The following SYT16 variants were observed in gnomAD, a reference collection of about 807,000 sequenced individuals.
The protein encoded by SYT16 is synaptotagmin-16.
In SYT16, 42 loss-of-function variants were observed where a neutral mutation model predicts 61.4. The ratio of observed to expected loss-of-function variants is 0.68; its 90% CI spans 0.53 to 0.89. The LOEUF (loss-of-function observed/expected upper bound fraction) is 0.89, where lower values mean the gene tolerates loss of function less well. Among genes scored for constraint, SYT16 ranks in the 40% least tolerant of loss-of-function variants. SYT16 has a pLI of 0.00. For missense variants in SYT16, 804 were observed against 807.3 expected (o/e 1.00, Z 0.05); for synonymous variants, 314 against 302.3 (o/e 1.04, Z -0.40).
At chr14:61,867,695 G>A (rs921887148) in intron 1 of SYT16, among the ~76,000 whole-genome samples, 4 of 152,002 alleles carry the variant, frequency 2.6e-5, no homozygotes, top group Non-Finnish European at 5.9e-5. Context: ...ACAGACTTAG[G>A]AAGTGATTTA....
At chr14:61,906,434 C>G (rs187484953) in intron 1 of SYT16, among the ~76,000 whole-genome samples, 2 of 152,264 alleles carry the variant, frequency 1.3e-5, no homozygotes, top group African/African-American at 4.8e-5. Flanking sequence ...TCTTAGGGCT[C>G]TGTACTGTTT....
intron 1 of SYT16, among the ~76,000 whole-genome samples, chr14:61,897,815 C>T (rs934414201): frequency 1.4e-4 from 22 of 152,174 alleles, no homozygotes; most frequent in Non-Finnish European, 2.6e-4. Context: ...GGGACTGGGT[C>T]AGAGCTTGTC....
In SYT16 at chr14:61,905,789, G is replaced by A. The variant is rs967156758; in HGVS notation, c.-324-64343G>A. ...TTTTTTTTTTTTGGGGATAAATCTC[G>A]CTCTGTTGCCCAGTCTGGAGTGTAG... On this transcript the variant is annotated intron_variant, in intron 1 of 7. Coordinates refer to ENST00000683842, the MANE Select transcript of SYT16 (RefSeq NM_001367656.1). 6.2e-5 allele frequency among the ~76,000 whole-genome samples: 9 copies of A among 145,344 alleles called. 1 individual carries two copies. The highest frequency in any genetic ancestry group is 1.0e-4 in the Non-Finnish European group (7 of 67,188).
intron 3 of SYT16, among the ~76,000 whole-genome samples, chr14:62,052,556 C>A (rs950848786): frequency 6.6e-6 from 1 of 152,088 alleles, no homozygotes; most frequent in African/African-American, 2.4e-5. Context: ...TAGTTGAATC[C>A]CTCTAATGTA....
At position 62,100,728 on chromosome 14, in the gene SYT16, G is replaced by A. The variant is rs747498598; in HGVS notation, c.*21G>A. 8.1e-6 allele frequency: 13 copies of A among 1,602,438 alleles called. No individual in the cohort carries two copies. In the Admixed American group the frequency reaches 1.9e-4, roughly 23 times the overall value. On this transcript the variant is annotated 3_prime_UTR_variant, in exon 8 of 8. Transcript: ENST00000683842. ...CCTAGGTTTGCTAACCTGCATTTGTGTGCTGTGTCCACCTTGGTTACCTGT... is the reference window on the plus strand; with the variant it reads ...CCTAGGTTTGCTAACCTGCATTTGTATGCTGTGTCCACCTTGGTTACCTGT...
At chr14:61,814,928 G>A (rs1234196232) in intron 1 of SYT16, among the ~76,000 whole-genome samples, 3 of 152,178 alleles carry the variant, frequency 2.0e-5, no homozygotes, top group Non-Finnish European at 4.4e-5. Context: ...TTTTGAAAAC[G>A]TAGAGCCCAG....
intron 3 of SYT16, among the ~76,000 whole-genome samples, chr14:62,033,016 T>G (rs1474255833): frequency 8.0e-6 from 1 of 124,606 alleles, no homozygotes. Context: ...TGAAAAACAT[T>G]TCATGAAATT....
chr14:61,971,850 G>A (rs761690756), intron 2 of SYT16, among the ~76,000 whole-genome samples: 1 of 152,172 alleles, frequency 6.6e-6, no homozygotes, highest in Admixed American at 6.5e-5. Context: ...TTTAATTACA[G>A]CTTGCCATGC....
intron 1 of SYT16, among the ~76,000 whole-genome samples, chr14:61,820,610 T>C (rs143529897): frequency 0.028 from 4,212 of 150,548 alleles, 123 homozygotes; most frequent in African/African-American, 0.072. Context: ...GCCTCCTGAG[T>C]AGCTGGGATT....
At chr14:62,034,705 A>T (rs1219085803) in intron 3 of SYT16, among the ~76,000 whole-genome samples, 1 of 148,668 alleles carries the variant, frequency 6.7e-6, no homozygotes, top group Non-Finnish European at 1.5e-5. Context: ...GGATGGGGGG[A>T]TTCCAGGGGT....
At position 62,111,385 on chromosome 14, in the gene SYT16, T is replaced by C. The variant is rs1199921547; in HGVS notation, c.*10678T>C. 19 of 152,128 alleles carry C rather than the reference T, an allele frequency of 1.2e-4. No individual in the cohort carries two copies. The allele number at this position is 152,128 out of a possible 1,614,324, so 9.4% of individuals were successfully genotyped here. A position where few individuals can be genotyped will look rare whatever the true frequency, so the allele number is the denominator to read the frequency against. On this transcript the variant is annotated 3_prime_UTR_variant, in exon 8 of 8. Coordinates refer to ENST00000683842, the MANE Select transcript of SYT16 (RefSeq NM_001367656.1). ...AATGTGCTTTATATTACTATTCTAC[T>C]CACAGCTGGATGCTGCAGATGTATT...
intron 1 of SYT16, among the ~76,000 whole-genome samples, chr14:61,933,630 C>T (rs1204663476): frequency 6.6e-6 from 1 of 152,186 alleles, no homozygotes; most frequent in Non-Finnish European, 1.5e-5. Flanking sequence ...GGAGAGTGTG[C>T]ACTCACAATG....
chr14:61,989,970 G>A (rs1339665860), intron 2 of SYT16, among the ~76,000 whole-genome samples: 1 of 152,192 alleles, frequency 6.6e-6, no homozygotes, highest in Non-Finnish European at 1.5e-5. Context: ...GCCAGAAAGA[G>A]TCCTGAGTAG....
At chr14:62,089,270 G>T (rs957732435) in intron 7 of SYT16, among the ~76,000 whole-genome samples, 1 of 150,434 alleles carries the variant, frequency 6.6e-6, no homozygotes, top group Non-Finnish European at 1.5e-5. Context: ...AGTGTGCCAA[G>T]ATCGCACTAC....
At chr14:61,837,770 G>A (rs1257059570) in intron 1 of SYT16, among the ~76,000 whole-genome samples, 3 of 152,198 alleles carry the variant, frequency 2.0e-5, no homozygotes, top group African/African-American at 7.2e-5. Context: ...CTTCTGGCGT[G>A]CAGAGTCACC....
rs2057547173 is a variant in SYT16, at chr14:62,108,306, G to A, written c.*7599G>A. The stretch of plus-strand genomic sequence containing the variant: ...GGTGGCCTGAAAATTCTGACTGAAA[G>A]CAAGTTTTTCGTGTTGCCCAGTTGA... On this transcript the variant is annotated 3_prime_UTR_variant, in exon 8 of 8. Transcript: ENST00000683842. 6.6e-6 allele frequency: 1 copy of A among 152,194 alleles called. No homozygotes were observed. The highest frequency in any genetic ancestry group is 2.4e-5 in the African/African-American group (1 of 41,452). The allele number at this position is 152,194 out of a possible 1,614,324, so 9.4% of individuals were successfully genotyped here.
chr14:62,086,174 A>G (rs888415910), intron 7 of SYT16, among the ~76,000 whole-genome samples: 3 of 152,132 alleles, frequency 2.0e-5, no homozygotes, highest in African/African-American at 7.2e-5. Context: ...TCTGCCACTT[A>G]TTATAATAGT....
rs770965274 is a variant in SYT16, at chr14:61,891,251, C to CACACACACACAA, written c.-325+78452_-325+78453insAACACACACACA. On this transcript the variant is annotated intron_variant, in intron 1 of 7. Coordinates refer to ENST00000683842, the MANE Select transcript of SYT16 (RefSeq NM_001367656.1). ...GTGCATACACACACGCGCACACACA[C>CACACACACACAA]ACACACACACACACACACACAATTT... Among the ~76,000 whole-genome samples, 108 of 151,688 alleles carry CACACACACACAA rather than the reference C, an allele frequency of 7.1e-4. No individual in the cohort carries two copies. In the South Asian group the frequency reaches 0.022, roughly 31 times the overall value.
At position 61,866,858 on chromosome 14, in the gene SYT16, A is replaced by G. The variant is rs1017658204; in HGVS notation, c.-325+54048A>G. Among the ~76,000 whole-genome samples the G allele has an allele frequency of 2.6e-5, 4 of 151,996 alleles. No individual in the cohort carries two copies. The South Asian group carries it at 8.3e-4, about 32-fold the overall frequency. Reference sequence around the variant, plus strand: ...ATCCAAAGTCAAAAGAATTTTCTCCAATGTTTTTTCCTAGAAGTTTTATAG... The same window carrying G: ...ATCCAAAGTCAAAAGAATTTTCTCCGATGTTTTTTCCTAGAAGTTTTATAG... On this transcript the variant is annotated intron_variant, in intron 1 of 7. Transcript: ENST00000683842.
Sources: allele counts gnomAD v4.1 joint callset (sites outside exome capture counted in the v4.1 genomes callset), GRCh38; gene constraint gnomAD v4.1.1; transcripts MANE v1.5; gene names NCBI Gene and HGNC (gene_info 2026-07-23, HGNC 2026-07-21).